The following TAFA1 variants were observed in gnomAD, a reference collection of about 807,000 sequenced individuals.
The protein encoded by TAFA1 is chemokine-like protein TAFA-1.
In TAFA1, 4 loss-of-function variants were observed where a neutral mutation model predicts 18.5. The ratio of observed to expected loss-of-function variants is 0.22; its 90% CI spans 0.11 to 0.49. The LOEUF is 0.49. Among genes scored for constraint, TAFA1 ranks in the 20% least tolerant of loss-of-function variants. TAFA1 has a pLI of 0.98. For synonymous variants in TAFA1, 56 were observed against 55.2 expected (o/e 1.01, Z -0.06); for missense variants, 147 against 169.0 (o/e 0.87, Z 0.72).
intron 3 of TAFA1, among the ~76,000 whole-genome samples, chr3:68,421,054 C>G (rs2070946987): frequency 6.6e-6 from 1 of 152,126 alleles, no homozygotes; most frequent in South Asian, 2.1e-4. Context: ...CTCTAATGAT[C>G]TAGAAATAGA....
intron 2 of TAFA1, among the ~76,000 whole-genome samples, chr3:68,200,458 A>T (rs1365312213): frequency 6.6e-6 from 1 of 151,610 alleles, no homozygotes; most frequent in Non-Finnish European, 1.5e-5. Context: ...AACCCATTGA[A>T]GCCTGGTGCT....
chr3:68,460,482 A>G (rs1331980812), intron 3 of TAFA1, among the ~76,000 whole-genome samples: 1 of 152,196 alleles, frequency 6.6e-6, no homozygotes, highest in African/African-American at 2.4e-5. Context: ...TATAGGGTAC[A>G]TGCTAGCAGG....
chr3:68,308,139 G>C (rs1435584127), intron 2 of TAFA1, among the ~76,000 whole-genome samples: 2 of 152,036 alleles, frequency 1.3e-5, no homozygotes, highest in Non-Finnish European at 2.9e-5. Flanking sequence ...AAAAACCTAT[G>C]ATTTATAAGC....
intron 2 of TAFA1, among the ~76,000 whole-genome samples, chr3:68,009,488 A>G (rs1704428781): frequency 6.6e-6 from 1 of 152,218 alleles, no homozygotes. Flanking sequence ...AAATACCCCA[A>G]GAAACTGCAG....
intron 3 of TAFA1, among the ~76,000 whole-genome samples, chr3:68,507,317 A>G (rs2072775081): frequency 6.6e-6 from 1 of 152,162 alleles, no homozygotes; most frequent in Admixed American, 6.6e-5. Context: ...ATGATGAGAC[A>G]GGATAGGGAA....
chr3:68,474,014 C>G (rs2072046402), intron 3 of TAFA1, among the ~76,000 whole-genome samples: 1 of 150,414 alleles, frequency 6.6e-6, no homozygotes. Flanking sequence ...AGCTCAGAAT[C>G]TAGTATTAAG....
chr3:68,439,412 C>CATATATATAT (rs57059146), intron 3 of TAFA1, among the ~76,000 whole-genome samples: 1,486 of 73,288 alleles, frequency 0.02, 66 homozygotes, highest in East Asian at 0.034. Context: ...TATATACATA[C>CATATATATAT]ATATATATAT....
intron 2 of TAFA1, among the ~76,000 whole-genome samples, chr3:68,050,912 A>G (rs2064463613): frequency 6.6e-6 from 1 of 152,158 alleles, no homozygotes; most frequent in African/African-American, 2.4e-5. Flanking sequence ...TTGACCCACC[A>G]GCCACTGTTT....
intron 3 of TAFA1, among the ~76,000 whole-genome samples, chr3:68,527,466 C>A (rs1003380784): frequency 6.6e-6 from 1 of 152,016 alleles, no homozygotes; most frequent in Non-Finnish European, 1.5e-5. Flanking sequence ...GTCAAGGTAG[C>A]CTTTTATATC....
At chr3:68,255,662 G>GT (rs2067283991) in intron 2 of TAFA1, among the ~76,000 whole-genome samples, 1 of 151,656 alleles carries the variant, frequency 6.6e-6, no homozygotes, top group African/African-American at 2.4e-5. Context: ...AGTTTTATAG[G>GT]GTTTTTTTTA....
At chr3:68,328,949 G>A (rs887899291) in intron 2 of TAFA1, among the ~76,000 whole-genome samples, 12 of 151,754 alleles carry the variant, frequency 7.9e-5, no homozygotes, top group African/African-American at 2.7e-4. Flanking sequence ...AAACAAAATG[G>A]CATCATGGTT....
intron 2 of TAFA1, among the ~76,000 whole-genome samples, chr3:68,404,923 T>C (rs886164238): frequency 6.6e-6 from 1 of 152,204 alleles, no homozygotes; most frequent in African/African-American, 2.4e-5. Flanking sequence ...ACTTCTTCCT[T>C]GAGTATCTCA....
At chr3:68,352,425 T>C (rs1219992597) in intron 2 of TAFA1, among the ~76,000 whole-genome samples, 2 of 151,962 alleles carry the variant, frequency 1.3e-5, no homozygotes, top group African/African-American at 2.4e-5. Flanking sequence ...AAGAAAGTAG[T>C]TTTAGGCTTC....
intron 2 of TAFA1, among the ~76,000 whole-genome samples, chr3:68,143,678 G>A (rs541359782): frequency 6.6e-6 from 1 of 151,974 alleles, no homozygotes. Context: ...GAAGAGAGTG[G>A]GAAAAATCAC....
Position 68,447,931 on chromosome 3 carries a change from A to G in TAFA1, c.259+30511A>G, listed in dbSNP as rs140292674. ...CTTTATTAAGTTGGTTAATCCTGCA[A>G]TAATCCTATAAGATAGGTACAAAGG... On this transcript the variant is annotated intron_variant, in intron 3 of 4. Coordinates refer to ENST00000478136, the MANE Select transcript of TAFA1 (RefSeq NM_213609.4). Among the ~76,000 whole-genome samples, 20 of 152,344 alleles carry G rather than the reference A, an allele frequency of 1.3e-4. 1 individual carries two copies. The highest frequency in any genetic ancestry group is 1.2e-3 in the East Asian group (6 of 5,186).
chr3:68,505,622 C>T (rs1010019638), intron 3 of TAFA1, among the ~76,000 whole-genome samples: 2 of 152,134 alleles, frequency 1.3e-5, no homozygotes, highest in Non-Finnish European at 2.9e-5. Flanking sequence ...CAAGCTCCTT[C>T]AGGCTGTTGG....
intron 3 of TAFA1, among the ~76,000 whole-genome samples, chr3:68,523,455 A>G (rs1235709996): frequency 5.3e-5 from 8 of 152,320 alleles, no homozygotes; most frequent in Admixed American, 3.9e-4. Context: ...CTTAGGATCA[A>G]TTTGACTGGA....
intron 2 of TAFA1, among the ~76,000 whole-genome samples, chr3:68,174,720 T>G (rs1452241328): frequency 6.6e-6 from 1 of 152,170 alleles, no homozygotes; most frequent in East Asian, 1.9e-4. Context: ...GTTGGAAAAT[T>G]TGTAGCCTAA....
At chr3:68,115,455 G>T (rs2065313651) in intron 2 of TAFA1, among the ~76,000 whole-genome samples, 1 of 152,180 alleles carries the variant, frequency 6.6e-6, no homozygotes, top group African/African-American at 2.4e-5. Context: ...GGTGCTAAGT[G>T]TAAAAGTAGA....
Sources: allele counts gnomAD v4.1 joint callset (sites outside exome capture counted in the v4.1 genomes callset), GRCh38; gene constraint gnomAD v4.1.1; transcripts MANE v1.5; gene names NCBI Gene and HGNC (gene_info 2026-07-23, HGNC 2026-07-21).